TPRG1: variants seen among roughly 807,000 people sequenced by gnomAD.
TPRG1 encodes the protein tumor protein p63 regulated 1.
TPRG1 carries 29 observed loss-of-function variants against 29.3 expected under a neutral mutation model. The ratio of observed to expected loss-of-function variants is 0.99; its 90% confidence interval spans 0.74 to 1.35. TPRG1 has a LOEUF of 1.35. Among genes scored for constraint, TPRG1 ranks in the 40% most tolerant of loss-of-function variants. The pLI is 0.00. For synonymous variants in TPRG1, 130 were observed against 116.8 expected (o/e 1.11, Z -0.73); for missense variants, 327 against 335.0 (o/e 0.98, Z 0.19).
intron 1 of TPRG1, among the ~76,000 whole-genome samples, chr3:189,197,575 C>T (rs1188472432): frequency 6.6e-6 from 1 of 152,194 alleles, no homozygotes; most frequent in East Asian, 1.9e-4. Context: ...CAATATTTGG[C>T]TTACAGAGTG....
intron 4 of TPRG1, among the ~76,000 whole-genome samples, chr3:189,086,080 C>T (rs151043049): frequency 0.014 from 2,070 of 152,136 alleles, 45 homozygotes; most frequent in African/African-American, 0.045. Context: ...GCAGGGAAGC[C>T]GACAGTGCAG....
At chr3:189,233,964 G>A (rs554070151) in intron 3 of TPRG1, among the ~76,000 whole-genome samples, 3 of 152,214 alleles carry the variant, frequency 2.0e-5, no homozygotes, top group South Asian at 2.1e-4. Context: ...TCAAACTCCC[G>A]GACTGAAGTG....
At chr3:189,119,303 G>T (rs1022695700) in intron 1 of TPRG1, among the ~76,000 whole-genome samples, 1 of 152,178 alleles carries the variant, frequency 6.6e-6, no homozygotes, top group African/African-American at 2.4e-5. Flanking sequence ...TGCCCCCATT[G>T]TATCTAGGAA....
chr3:189,113,307 T>A (rs1032031064), intron 1 of TPRG1, among the ~76,000 whole-genome samples: 10 of 152,322 alleles, frequency 6.6e-5, no homozygotes, highest in African/African-American at 2.4e-4. Context: ...AGATATACAA[T>A]CATGTCATCT....
intron 1 of TPRG1, among the ~76,000 whole-genome samples, chr3:189,189,952 T>C (rs1387240086): frequency 6.6e-6 from 1 of 152,158 alleles, no homozygotes; most frequent in Non-Finnish European, 1.5e-5. Context: ...GAAGTAGAAA[T>C]AGATCTGATT....
intron 3 of TPRG1, among the ~76,000 whole-genome samples, chr3:189,217,204 T>G (rs1736201152): frequency 6.6e-6 from 1 of 152,214 alleles, no homozygotes; most frequent in Non-Finnish European, 1.5e-5. Flanking sequence ...GCCTGCTTGA[T>G]TTAACATCAA....
At chr3:189,317,680 C>A (rs1013869462) in intron 5 of TPRG1, among the ~76,000 whole-genome samples, 2 of 152,166 alleles carry the variant, frequency 1.3e-5, no homozygotes, top group Admixed American at 6.6e-5. Context: ...CAGTGGTTCT[C>A]AAGAGAGGGT....
intron 4 of TPRG1, among the ~76,000 whole-genome samples, chr3:189,033,644 A>T (rs769259871): frequency 1.3e-5 from 2 of 151,342 alleles, no homozygotes; most frequent in Non-Finnish European, 2.9e-5. Context: ...CAGTGGTGCA[A>T]TCTTGGCTCC....
rs541923486 is a variant in TPRG1 at position 189,266,299 on chromosome 3, A to G, written c.479+27390A>G. Among the ~76,000 whole-genome samples, 7 of 152,334 alleles carry G rather than the reference A, an allele frequency of 4.6e-5. No homozygotes were observed. In the South Asian group the frequency reaches 1.5e-3, roughly 32 times the overall value. On this transcript the variant is annotated intron_variant, in intron 4 of 5. Coordinates refer to ENST00000345063, the MANE Select transcript of TPRG1 (RefSeq NM_198485.4). ...GCTTTGCTTTTATTAGGAAGATGTC[A>G]GTTCCTCTATGTGTATTATTTAAGG...
intron 5 of TPRG1, among the ~76,000 whole-genome samples, chr3:189,311,270 G>C (rs1045519316): frequency 1.3e-5 from 2 of 152,160 alleles, no homozygotes; most frequent in Non-Finnish European, 2.9e-5. Context: ...ATACATATGA[G>C]TGCGCTTATA....
At chr3:189,144,025 G>A (rs1292268310) in intron 3 of TPRG1, among the ~76,000 whole-genome samples, 2 of 152,172 alleles carry the variant, frequency 1.3e-5, no homozygotes, top group African/African-American at 2.4e-5. Flanking sequence ...ACAGTCTAAT[G>A]ACCAGATCTG....
At chr3:189,015,818 C>A (rs1160170426) in intron 3 of TPRG1, among the ~76,000 whole-genome samples, 1 of 152,134 alleles carries the variant, frequency 6.6e-6, no homozygotes, top group Non-Finnish European at 1.5e-5. Context: ...GTTTGGGAAC[C>A]TCCACTTAGA....
chr3:189,153,034 T>C (rs1269574061), intron 5 of TPRG1, among the ~76,000 whole-genome samples: 1 of 152,208 alleles, frequency 6.6e-6, no homozygotes, highest in African/African-American at 2.4e-5. Context: ...AGGAAAGATA[T>C]CAGACAAAGA....
chr3:189,235,410 G>C (rs1344924215), intron 3 of TPRG1, among the ~76,000 whole-genome samples: 2 of 151,866 alleles, frequency 1.3e-5, no homozygotes, highest in East Asian at 3.9e-4. Context: ...GATGGAGAGA[G>C]GTGGGTGGTG....
At chr3:189,051,234 A>C (rs929580546) in intron 4 of TPRG1, among the ~76,000 whole-genome samples, 1 of 152,198 alleles carries the variant, frequency 6.6e-6, no homozygotes, top group Non-Finnish European at 1.5e-5. Flanking sequence ...TAATTCAGCA[A>C]AGTTTCCAGA....
intron 1 of TPRG1, among the ~76,000 whole-genome samples, chr3:189,199,284 T>A (rs933126084): frequency 6.6e-6 from 1 of 152,190 alleles, no homozygotes; most frequent in Non-Finnish European, 1.5e-5. Context: ...CACATGATGA[T>A]ATGGGGAAAA....
chr3:189,173,417 G>A, intron 1 of TPRG1, among the ~76,000 whole-genome samples: 1 of 145,018 alleles, frequency 6.9e-6, no homozygotes, highest in Non-Finnish European at 1.5e-5. Context: ...TCGGCTCACT[G>A]CAGCCTCCAC....
chr3:189,318,599 G>A (rs9681123), intron 5 of TPRG1, among the ~76,000 whole-genome samples: 7,940 of 152,194 alleles, frequency 0.052, 681 homozygotes, highest in African/African-American at 0.17. Flanking sequence ...AAATAGAGCA[G>A]CTCTGATGTG....
intron 4 of TPRG1, among the ~76,000 whole-genome samples, chr3:189,031,453 C>G (rs924768236): frequency 6.6e-6 from 1 of 152,170 alleles, no homozygotes; most frequent in Non-Finnish European, 1.5e-5. Flanking sequence ...GCCTATTTTA[C>G]TTAGATATTA....
Sources: gnomAD v4.1 joint callset for allele counts (sites outside exome capture counted in the v4.1 genomes callset) on GRCh38, gnomAD v4.1.1 for gene constraint, MANE v1.5 for transcripts, NCBI Gene and HGNC (gene_info 2026-07-23, HGNC 2026-07-21) for gene names.